Variants in USP13 observed in about 807,000 individuals in gnomAD.
The protein encoded by USP13 is ubiquitin specific peptidase 13.
USP13 carries 68 observed loss-of-function variants against 107.8 expected under a neutral mutation model. The observed-to-expected ratio is 0.63, with a 90% CI of 0.52 to 0.77. The LOEUF (loss-of-function observed/expected upper bound fraction) is 0.77. Ranked by LOEUF, USP13 falls within the 30% of genes least tolerant of loss-of-function variation. The pLI, the probability that USP13 is intolerant of heterozygous loss-of-function variation, is 0.00. For missense variants in USP13, 945 were observed against 1,093.3 expected (o/e 0.86, Z 1.91); for synonymous variants, 377 against 389.5 (o/e 0.97, Z 0.38).
intron 1 of USP13, among the ~76,000 whole-genome samples, chr3:179,658,782 A>AG (rs1720366399): frequency 6.6e-6 from 1 of 152,142 alleles, no homozygotes; most frequent in Non-Finnish European, 1.5e-5. Context: ...GGTTTGTTCT[A>AG]GGGGTGGAAA....
intron 2 of USP13, among the ~76,000 whole-genome samples, chr3:179,688,935 GT>G (rs1711994261): frequency 6.6e-6 from 1 of 152,236 alleles, no homozygotes; most frequent in African/African-American, 2.4e-5. Flanking sequence ...GGAGGGACAG[GT>G]TTTTGAGAAA....
rs181253357 is a variant in USP13, at chr3:179,757,175, G to C, written c.1948+97G>C. 3 of 1,348,678 alleles carry C rather than the reference G, an allele frequency of 2.2e-6. No homozygotes were observed. The African/African-American group carries it at 4.3e-5, about 20-fold the overall frequency. The allele number at this position is 1,348,678 out of a possible 1,614,324, so 83.5% of individuals were successfully genotyped here. A position where few individuals can be genotyped will look rare whatever the true frequency, so the allele number is the denominator to read the frequency against. The stretch of plus-strand genomic sequence containing the variant: ...TCAGTAAAGAGGCATTGTTCTGTAC[G>C]TGTGTGTGTGCAGCTTTTCCCAGGT... On this transcript the variant is annotated intron_variant, in intron 16 of 20. Transcript: ENST00000263966.
rs115635201 is a variant in USP13 at position 179,723,729 on chromosome 3, C to G, written c.1088+2140C>G. Among the ~76,000 whole-genome samples, 1,195 of 152,240 alleles carry G rather than the reference C, an allele frequency of 7.8e-3. 13 individuals carry two copies. The highest frequency in any genetic ancestry group is 0.027 in the African/African-American group (1,137 of 41,526). On this transcript the variant is annotated intron_variant, in intron 8 of 20. Coordinates refer to ENST00000263966, the MANE Select transcript of USP13 (RefSeq NM_003940.3). ...TGAGCAATGAACTATTCATACATGTCTTCAGTCTTTTCACCCTTTGACCAA... is the reference window on the plus strand; with the variant it reads ...TGAGCAATGAACTATTCATACATGTGTTCAGTCTTTTCACCCTTTGACCAA...
chr3:179,673,153 C>T (rs1296971456), intron 1 of USP13, among the ~76,000 whole-genome samples: 3 of 152,090 alleles, frequency 2.0e-5, no homozygotes, highest in Admixed American at 6.6e-5. Flanking sequence ...TTTTTCTATG[C>T]GTGGCCATGA....
At chr3:179,718,667 A>G (rs544779738) in intron 6 of USP13, among the ~76,000 whole-genome samples, 6 of 152,290 alleles carry the variant, frequency 3.9e-5, no homozygotes, top group African/African-American at 1.4e-4. Context: ...GGAAAACCAA[A>G]CAGTCCTCCA....
chr3:179,781,882 C>A (rs1055996904), intron 20 of USP13, 59 bp downstream of exon 20: 1 of 1,386,590 alleles, frequency 7.2e-7, no homozygotes, highest in African/African-American at 1.4e-5. Flanking sequence ...TACTATATGC[C>A]AGGCACTCTC....
chr3:179,662,678 C>G (rs1438647899), intron 1 of USP13, among the ~76,000 whole-genome samples: 1 of 152,226 alleles, frequency 6.6e-6, no homozygotes, highest in African/African-American at 2.4e-5. Context: ...AAGTCACTTG[C>G]TGTCCCTTTT....
At chr3:179,670,946 C>G (rs1189654454) in intron 1 of USP13, among the ~76,000 whole-genome samples, 1 of 152,096 alleles carries the variant, frequency 6.6e-6, no homozygotes, top group African/African-American at 2.4e-5. Flanking sequence ...ATCCGTCTGT[C>G]TCGGCCTCAC....
intron 19 of USP13, among the ~76,000 whole-genome samples, chr3:179,771,963 T>C (rs536710293): frequency 6.6e-6 from 1 of 152,350 alleles, no homozygotes; most frequent in South Asian, 2.1e-4. Context: ...GGCACTTCCT[T>C]GACCACTTTT....
intron 16 of USP13, among the ~76,000 whole-genome samples, chr3:179,759,072 C>G (rs904060354): frequency 5.3e-5 from 8 of 152,082 alleles, no homozygotes; most frequent in Non-Finnish European, 1.0e-4. Context: ...ACCTCTGCCT[C>G]CCGGGTTCAA....
chr3:179,766,534 G>A (rs575829121), intron 19 of USP13, among the ~76,000 whole-genome samples: 33 of 152,202 alleles, frequency 2.2e-4, no homozygotes, highest in African/African-American at 7.0e-4. Flanking sequence ...ATCGTTACCC[G>A]TACCAACTAC....
At chr3:179,731,735 T>C (rs1437653247) in intron 10 of USP13, among the ~76,000 whole-genome samples, 3 of 152,214 alleles carry the variant, frequency 2.0e-5, no homozygotes, top group Non-Finnish European at 4.4e-5. Context: ...CTTACGCATC[T>C]GTGTTTGGCA....
intron 1 of USP13, among the ~76,000 whole-genome samples, chr3:179,669,786 G>T (rs551023357): frequency 6.6e-6 from 1 of 152,286 alleles, no homozygotes; most frequent in Non-Finnish European, 1.5e-5. Context: ...TACCATATTA[G>T]ACAGTGTGGG....
At chr3:179,746,991 A>G (rs1714435584) in intron 13 of USP13, among the ~76,000 whole-genome samples, 1 of 152,232 alleles carries the variant, frequency 6.6e-6, no homozygotes, top group Non-Finnish European at 1.5e-5. Context: ...AAAACAAGCC[A>G]TATTTGTTAA....
At chr3:179,673,532 T>G (rs4854945) in intron 1 of USP13, among the ~76,000 whole-genome samples, 62,080 of 152,106 alleles carry the variant, frequency 0.41, 13,654 homozygotes, top group African/African-American at 0.55. Context: ...AGCCTGGGTT[T>G]CTCATAGCGA....
intron 1 of USP13, among the ~76,000 whole-genome samples, chr3:179,676,571 T>G (rs929788386): frequency 2.0e-5 from 3 of 152,134 alleles, no homozygotes; most frequent in Non-Finnish European, 2.9e-5. Context: ...TTATCAGGAT[T>G]GAAAGAAGCT....
At chr3:179,705,469 C>T (rs905704544) in intron 4 of USP13, among the ~76,000 whole-genome samples, 3 of 152,174 alleles carry the variant, frequency 2.0e-5, no homozygotes, top group Non-Finnish European at 2.9e-5. Flanking sequence ...CACTAATCTA[C>T]TTTCTAGCTC....
chr3:179,727,977 AC>A (rs1238364685), intron 8 of USP13, among the ~76,000 whole-genome samples: 1 of 39,782 alleles, frequency 2.5e-5, no homozygotes, highest in African/African-American at 6.6e-5. Flanking sequence ...CGGGGGGCTG[AC>A]CCCCCCACCT....
At chr3:179,659,408 T>C (rs775496392) in intron 1 of USP13, among the ~76,000 whole-genome samples, 14 of 152,172 alleles carry the variant, frequency 9.2e-5, no homozygotes, top group Admixed American at 5.9e-4. Flanking sequence ...CCAGCAGCAC[T>C]AGCATGTCTT....
Sources: gnomAD v4.1 joint callset for allele counts (sites outside exome capture counted in the v4.1 genomes callset) on GRCh38, gnomAD v4.1.1 for gene constraint, MANE v1.5 for transcripts, NCBI Gene and HGNC (gene_info 2026-07-23, HGNC 2026-07-21) for gene names.